DOCK2: variants seen among roughly 807,000 people sequenced by gnomAD.
The protein encoded by DOCK2 is dedicator of cytokinesis 2.
Under a neutral mutation model 248.9 loss-of-function variants are expected in DOCK2, and 87 were observed. That is an observed-to-expected ratio of 0.35 (90% CI 0.29 to 0.42). The LOEUF (loss-of-function observed/expected upper bound fraction) is 0.42. Among genes scored for constraint, DOCK2 ranks in the 10% least tolerant of loss-of-function variants. The pLI, the probability that DOCK2 is intolerant of heterozygous loss-of-function variation, is 1.00. For missense variants in DOCK2, 1,747 were observed against 2,300.2 expected (o/e 0.76, Z 4.92); for synonymous variants, 805 against 821.6 (o/e 0.98, Z 0.35).
chr5:169,691,079 G>C (rs914709400), intron 9 of DOCK2, among the ~76,000 whole-genome samples: 6 of 152,160 alleles, frequency 3.9e-5, no homozygotes. Context: ...TCGACTTCTG[G>C]GGGGGCCTCA....
intron 35 of DOCK2, 29 bp from the exon 36 acceptor site, chr5:170,036,486 C>T (rs1756327541): frequency 6.2e-7 from 1 of 1,610,062 alleles, no homozygotes; most frequent in Non-Finnish European, 8.5e-7. Context: ...GAGAACAACA[C>T]TCATCATTGT....
intron 27 of DOCK2, among the ~76,000 whole-genome samples, chr5:169,893,009 G>A (rs1773386471): frequency 6.6e-6 from 1 of 151,678 alleles, no homozygotes; most frequent in South Asian, 2.1e-4. Context: ...TCCACACCCT[G>A]CCCTTCCTCT....
At chr5:169,909,712 A>C (rs1394554515) in intron 27 of DOCK2, among the ~76,000 whole-genome samples, 1 of 152,242 alleles carries the variant, frequency 6.6e-6, no homozygotes, top group Admixed American at 6.5e-5. Context: ...AGTCCTCAAC[A>C]AACAGAATTT....
At chr5:169,892,699 T>C (rs1434067282) in intron 27 of DOCK2, among the ~76,000 whole-genome samples, 5 of 152,202 alleles carry the variant, frequency 3.3e-5, no homozygotes, top group Non-Finnish European at 7.3e-5. Flanking sequence ...TTTTTATCCT[T>C]TCTTCTACCT....
At chr5:169,949,561 A>G (rs567294254) in intron 27 of DOCK2, among the ~76,000 whole-genome samples, 17 of 151,894 alleles carry the variant, frequency 1.1e-4, no homozygotes, top group Admixed American at 2.0e-4. Context: ...GTTGGTACCC[A>G]GAGGCGGGGG....
chr5:169,826,229 T>C (rs1768846447), intron 26 of DOCK2, among the ~76,000 whole-genome samples: 1 of 152,158 alleles, frequency 6.6e-6, no homozygotes, highest in Non-Finnish European at 1.5e-5. Flanking sequence ...GAACAAAGTT[T>C]TGTGGGTACT....
chr5:169,984,280 C>T (rs1372723276), intron 28 of DOCK2, among the ~76,000 whole-genome samples: 1 of 152,176 alleles, frequency 6.6e-6, no homozygotes, highest in Non-Finnish European at 1.5e-5. Context: ...CAGGAGCCTT[C>T]TTCATTTCCA....
intron 22 of DOCK2, among the ~76,000 whole-genome samples, chr5:169,740,622 G>T (rs941546387): frequency 6.6e-6 from 1 of 152,206 alleles, no homozygotes; most frequent in Non-Finnish European, 1.5e-5. Context: ...GCTGCTGGGG[G>T]TATTCAATGA....
At chr5:169,916,519 G>T (rs1774883687) in intron 27 of DOCK2, among the ~76,000 whole-genome samples, 1 of 152,186 alleles carries the variant, frequency 6.6e-6, no homozygotes. Flanking sequence ...CTCTGCCACT[G>T]ACTAGCTATT....
chr5:169,756,124 C>T (rs569850650), intron 23 of DOCK2, among the ~76,000 whole-genome samples: 4 of 152,336 alleles, frequency 2.6e-5, no homozygotes, highest in Admixed American at 6.5e-5. Context: ...ACTCAGGTGA[C>T]AGCTACTTGC....
intron 27 of DOCK2, among the ~76,000 whole-genome samples, chr5:169,960,584 A>C (rs1318955464): frequency 6.6e-6 from 1 of 152,218 alleles, no homozygotes; most frequent in Non-Finnish European, 1.5e-5. Flanking sequence ...CTATCACTTA[A>C]AATGACCAAT....
At chr5:169,800,872 C>T (rs945904889) in intron 25 of DOCK2, among the ~76,000 whole-genome samples, 1 of 150,654 alleles carries the variant, frequency 6.6e-6, no homozygotes, top group Non-Finnish European at 1.5e-5. Context: ...CCTTGGGGCA[C>T]TTCTGGGATG....
intron 40 of DOCK2, among the ~76,000 whole-genome samples, chr5:170,048,659 A>G (rs573180093): frequency 2.6e-5 from 4 of 152,328 alleles, no homozygotes; most frequent in African/African-American, 9.6e-5. Context: ...GAGAATGAGA[A>G]TGAAAAGGAT....
intron 40 of DOCK2, 32 bp from the exon 41 acceptor site, chr5:170,050,224 C>T (rs749935655): frequency 5.0e-6 from 8 of 1,609,550 alleles, no homozygotes; most frequent in Non-Finnish European, 6.8e-6. Flanking sequence ...ACCTGGGTCC[C>T]CAAATCTCTA....
rs938288633 is a variant in DOCK2 at position 170,050,331 on chromosome 5, C to A, written c.4147C>A (p.Pro1383Thr). Residue 1383 changes from proline to threonine, a missense_variant, in exon 41 of 52, where the codon CCC (proline) becomes ACC (threonine). Physicochemically the swap from Pro to Thr is conservative, Grantham distance 38 (BLOSUM62 -1). This residue lies in a region of DOCK2 where 513 missense variants were observed against 586.1 expected (regional missense o/e 0.88). Coordinates refer to ENST00000520908, the MANE Select transcript of DOCK2 (RefSeq NM_004946.3). ...DFQMQLMTQF[P>T]NAEKMNTTSA... ...CCAGATGCAGCTGATGACCCAGTTCCCCAATGCAGAGAAGATGAACACCAC... is the reference window on the plus strand; with the variant it reads ...CCAGATGCAGCTGATGACCCAGTTCACCAATGCAGAGAAGATGAACACCAC... 1.9e-6 allele frequency: 3 copies of A among 1,614,170 alleles called. No homozygotes were observed. The highest frequency in any genetic ancestry group is 8.5e-7 in the Non-Finnish European group (1 of 1,180,018).
chr5:169,751,049 G>A (rs1214478054), intron 23 of DOCK2, among the ~76,000 whole-genome samples: 1 of 152,194 alleles, frequency 6.6e-6, no homozygotes, highest in African/African-American at 2.4e-5. Context: ...GGCCAAATGT[G>A]TAATTTAGGG....
intron 5 of DOCK2, among the ~76,000 whole-genome samples, chr5:169,672,006 A>G (rs890026824): frequency 6.7e-6 from 1 of 149,434 alleles, no homozygotes; most frequent in Non-Finnish European, 1.5e-5. Flanking sequence ...TTTTTTTTTT[A>G]TTTATTTTTT....
intron 27 of DOCK2, among the ~76,000 whole-genome samples, chr5:169,977,122 G>A (rs1003236319): frequency 6.6e-6 from 1 of 152,184 alleles, no homozygotes; most frequent in African/African-American, 2.4e-5. Context: ...TGAACAATTT[G>A]GACACTGTTG....
intron 22 of DOCK2, among the ~76,000 whole-genome samples, chr5:169,736,817 G>A (rs916936566): frequency 6.6e-5 from 10 of 152,128 alleles, no homozygotes; most frequent in African/African-American, 1.9e-4. Context: ...AAGCACATGA[G>A]TAGATAATGA....
Sources: allele counts gnomAD v4.1 joint callset (sites outside exome capture counted in the v4.1 genomes callset), GRCh38; gene constraint gnomAD v4.1.1; regional missense constraint gnomAD v4.1.1; transcripts MANE v1.5; gene names NCBI Gene and HGNC (gene_info 2026-07-23, HGNC 2026-07-21).